Variants in TPGS2 observed in about 807,000 individuals in gnomAD.
TPGS2 encodes tubulin polyglutamylase complex subunit 2.
Under a neutral mutation model 31.1 loss-of-function variants are expected in TPGS2, and 26 were observed. The observed-to-expected ratio is 0.84, with a 90% CI of 0.61 to 1.16. The LOEUF is 1.16. TPGS2 is among the 50% of genes most tolerant of loss of function. The pLI is 0.00. For synonymous variants in TPGS2, 130 were observed against 136.6 expected (o/e 0.95, Z 0.34); for missense variants, 351 against 363.8 (o/e 0.96, Z 0.29).
chr18:36,807,455 G>A (rs2045210360), intron 3 of TPGS2: 1 of 179,012 alleles, frequency 5.6e-6, no homozygotes, highest in Admixed American at 6.2e-5. Context: ...GAGCCTGAAA[G>A]AGATAAGTGG....
chr18:36,812,469 G>A (rs772563464), intron 2 of TPGS2, among the ~76,000 whole-genome samples: 1 of 152,148 alleles, frequency 6.6e-6, no homozygotes, highest in Non-Finnish European at 1.5e-5. Context: ...AGTTTGAAGA[G>A]CTTCCGGACA....
intron 3 of TPGS2, chr18:36,807,570 T>C: frequency 6.8e-6 from 3 of 439,458 alleles, no homozygotes; most frequent in Non-Finnish European, 4.0e-6. Flanking sequence ...GGGTTTTTTA[T>C]GTAGTAATTA....
intron 4 of TPGS2, among the ~76,000 whole-genome samples, chr18:36,801,535 T>C (rs558223100): frequency 6.6e-6 from 1 of 152,296 alleles, no homozygotes; most frequent in South Asian, 2.1e-4. Context: ...AGTTTCGCTA[T>C]GTTGCCTAGG....
chr18:36,794,840 C>CAA lies in TPGS2; in HGVS notation c.*1964_*1965insTT, dbSNP rs2044450468. 1.5e-5 allele frequency: 8 copies of CAA among 527,028 alleles called. No homozygotes were observed. Among genetic ancestry groups the CAA allele is most frequent in the Non-Finnish European group, 1.8e-5 (8 of 448,590 alleles). The allele number at this position is 527,028 out of a possible 1,614,324, so 32.6% of individuals were successfully genotyped here. On this transcript the variant is annotated 3_prime_UTR_variant, in exon 7 of 7. Coordinates refer to ENST00000334295, the MANE Select transcript of TPGS2 (RefSeq NM_015476.4). ...AGTCATGTTATGGTTAAAACACACA[C>CAA]ACACACACACACACACACACACACA...
At chr18:36,790,453 A>G (rs1435889482), downstream of TPGS2, among the ~76,000 whole-genome samples, 4 of 152,230 alleles carry the variant, frequency 2.6e-5, no homozygotes, top group South Asian at 2.1e-4. Context: ...ATGGTATTGG[A>G]CAAGGCCTGG....
chr18:36,781,920 C>T (rs968344246), downstream of TPGS2: 48 of 985,204 alleles, frequency 4.9e-5, no homozygotes, highest in Middle Eastern at 1.0e-3. Context: ...TGTGTTTAAT[C>T]ACCTTATTGA....
chr18:36,808,997 T>C (rs1302419097), intron 2 of TPGS2, among the ~76,000 whole-genome samples: 3 of 152,164 alleles, frequency 2.0e-5, no homozygotes, highest in Admixed American at 6.5e-5. Flanking sequence ...TTAATAACTA[T>C]CCAAGCTTGT....
At chr18:36,809,207 C>G (rs1264914413) in intron 2 of TPGS2, among the ~76,000 whole-genome samples, 1 of 152,102 alleles carries the variant, frequency 6.6e-6, no homozygotes, top group Non-Finnish European at 1.5e-5. Flanking sequence ...AGAATAAACT[C>G]TAAGACTTAA....
intron 6 of TPGS2, 90 bp downstream of exon 6, chr18:36,798,359 A>T: frequency 6.3e-7 from 1 of 1,585,796 alleles, no homozygotes. Flanking sequence ...CCTGAATCAG[A>T]TAGGGAAGTT....
chr18:36,814,655 AGT>A (rs755229761), intron 2 of TPGS2, among the ~76,000 whole-genome samples: 1 of 152,200 alleles, frequency 6.6e-6, no homozygotes, highest in Non-Finnish European at 1.5e-5. Flanking sequence ...CTTCTACTCC[AGT>A]GTGTTTTTCC....
rs567865614 is a variant in TPGS2, at chr18:36,810,090, C to T, written c.166-2156G>A. ...AACCAAATTCATGAAAAACATCAAT[C>T]CCTCACTGTCATTCTAATTTAAACG... On this transcript the variant is annotated intron_variant, in intron 2 of 6. Transcript: ENST00000334295. 5.3e-5 allele frequency among the ~76,000 whole-genome samples: 8 copies of T among 152,160 alleles called. No homozygotes were observed. In the South Asian group the frequency reaches 1.7e-3, roughly 32 times the overall value.
chr18:36,811,061 G>C (rs1021398200), intron 2 of TPGS2, among the ~76,000 whole-genome samples: 1 of 152,214 alleles, frequency 6.6e-6, no homozygotes, highest in African/African-American at 2.4e-5. Flanking sequence ...ATGCTGAGCT[G>C]GCTCTCTGGC....
intron 4 of TPGS2, among the ~76,000 whole-genome samples, chr18:36,803,255 C>A (rs1361451515): frequency 6.6e-6 from 1 of 152,172 alleles, no homozygotes; most frequent in African/African-American, 2.4e-5. Flanking sequence ...TGCCTGTTGA[C>A]CAACGTTTCC....
downstream of TPGS2, among the ~76,000 whole-genome samples, chr18:36,793,752 C>CT (rs1427143532): frequency 1.2e-4 from 16 of 130,022 alleles, no homozygotes; most frequent in African/African-American, 4.5e-4. Flanking sequence ...TTTTTTTTTT[C>CT]TTTGAGACAG....
At chr18:36,811,792 T>C (rs1423999143) in intron 2 of TPGS2, among the ~76,000 whole-genome samples, 1 of 152,240 alleles carries the variant, frequency 6.6e-6, no homozygotes, top group Non-Finnish European at 1.5e-5. Flanking sequence ...AAGTATCTAT[T>C]ATGGGATAAA....
At position 36,795,601 on chromosome 18, in the gene TPGS2, C is replaced by T. The variant is rs191844066; in HGVS notation, c.*1204G>A. ...CATTCCTAATTGAAAATCTGAGCAA[C>T]CTTCTCTGTAAAAATTTCATTAAAT... On this transcript the variant is annotated 3_prime_UTR_variant, in exon 7 of 7. Coordinates refer to ENST00000334295, the MANE Select transcript of TPGS2 (RefSeq NM_015476.4). 1.0e-6 allele frequency: 1 copy of T among 985,292 alleles called. No individual in the cohort carries two copies. The highest frequency in any genetic ancestry group is 1.2e-6 in the Non-Finnish European group (1 of 829,946). 61.0% of individuals were successfully genotyped at this position (985,292 alleles called of 1,614,324 possible). A position where few individuals can be genotyped will look rare whatever the true frequency, so the allele number is the denominator to read the frequency against.
chr18:36,816,858 C>T (rs1187892116), intron 2 of TPGS2, among the ~76,000 whole-genome samples: 3 of 152,172 alleles, frequency 2.0e-5, no homozygotes, highest in Admixed American at 1.3e-4. Flanking sequence ...CTGCCTGCCT[C>T]GGCTTCCTGA....
Position 36,796,196 on chromosome 18 carries a change from C to G in TPGS2, c.*609G>C, listed in dbSNP as rs2044517837. On this transcript the variant is annotated 3_prime_UTR_variant, in exon 7 of 7. Coordinates refer to ENST00000334295, the MANE Select transcript of TPGS2 (RefSeq NM_015476.4). ...GGTTTCATGGAACATTATGACCCATCCAATGAAGACATCAACATTAACAAC... is the reference window on the plus strand; with the variant it reads ...GGTTTCATGGAACATTATGACCCATGCAATGAAGACATCAACATTAACAAC... The G allele has an allele frequency of 1.0e-6, 1 of 985,178 alleles. No homozygotes were observed. The highest frequency in any genetic ancestry group is 1.7e-5 in the African/African-American group (1 of 57,188). The allele number at this position is 985,178 out of a possible 1,614,324, so 61.0% of individuals were successfully genotyped here.
chr18:36,818,205 G>T (rs2045741708), intron 2 of TPGS2, among the ~76,000 whole-genome samples: 1 of 152,062 alleles, frequency 6.6e-6, no homozygotes, highest in Admixed American at 6.6e-5. Flanking sequence ...GCTTCTTTGG[G>T]AAAACTTTTC....
Sources: allele counts gnomAD v4.1 joint callset (sites outside exome capture counted in the v4.1 genomes callset), GRCh38; gene constraint gnomAD v4.1.1; transcripts MANE v1.5; gene names NCBI Gene and HGNC (gene_info 2026-07-23, HGNC 2026-07-21).